Variants in SH3RF3 observed in about 807,000 individuals in gnomAD.
The protein encoded by SH3RF3 is E3 ubiquitin-protein ligase SH3RF3.
In SH3RF3, 29 loss-of-function variants were observed where a neutral mutation model predicts 66.3. That is an observed-to-expected ratio of 0.44 (90% confidence interval 0.33 to 0.60). SH3RF3 has a LOEUF of 0.60. SH3RF3 is among the 20% of genes least tolerant of loss of function. The probability of loss-of-function intolerance (pLI) is 0.04; values close to 1 mark genes in which losing one functional copy is unlikely to be tolerated. For missense variants in SH3RF3, 1,194 were observed against 1,190.9 expected, an observed-to-expected ratio of 1.00 and a Z score of -0.04; for synonymous variants, 583 against 532.0, an observed-to-expected ratio of 1.10 and a Z score of -1.32.
intron 5 of SH3RF3, among the ~76,000 whole-genome samples, chr2:109,431,229 A>T (rs923592540): frequency 3.3e-5 from 5 of 152,182 alleles, no homozygotes; most frequent in Admixed American, 3.3e-4. Context: ...AAGCCGCTGG[A>T]TAGGGTCAGC....
chr2:109,330,138 G>A (rs951595335), intron 1 of SH3RF3, among the ~76,000 whole-genome samples: 12 of 152,206 alleles, frequency 7.9e-5, no homozygotes, highest in Admixed American at 7.2e-4. Flanking sequence ...CCACTCTGGG[G>A]CAGCTGTGAG....
intron 3 of SH3RF3, among the ~76,000 whole-genome samples, chr2:109,397,093 T>G (rs1177228391): frequency 6.6e-6 from 1 of 152,274 alleles, no homozygotes; most frequent in East Asian, 1.9e-4. Flanking sequence ...CCAGTTGTGC[T>G]GCTGCAGAGA....
chr2:109,216,896 C>G (rs886192787), intron 1 of SH3RF3, among the ~76,000 whole-genome samples: 3 of 152,216 alleles, frequency 2.0e-5, no homozygotes, highest in African/African-American at 7.2e-5. Flanking sequence ...CTTCAGAACT[C>G]TTTTCGTCTT....
chr2:109,352,623 G>C (rs897168952), intron 2 of SH3RF3, among the ~76,000 whole-genome samples: 1 of 152,194 alleles, frequency 6.6e-6, no homozygotes, highest in Non-Finnish European at 1.5e-5. Flanking sequence ...CCCTTCCTGG[G>C]CACCCCGCTT....
chr2:109,407,829 C>T (rs572451594), intron 4 of SH3RF3, among the ~76,000 whole-genome samples: 4 of 152,210 alleles, frequency 2.6e-5, no homozygotes, highest in African/African-American at 9.6e-5. Flanking sequence ...CCATGACTTA[C>T]CAATCCTGGC....
At chr2:109,458,764 G>A (rs1000562632) in intron 8 of SH3RF3, among the ~76,000 whole-genome samples, 2 of 152,234 alleles carry the variant, frequency 1.3e-5, no homozygotes, top group African/African-American at 4.8e-5. Flanking sequence ...GCCTTCAGCT[G>A]ATTGGGCGAG....
intron 1 of SH3RF3, among the ~76,000 whole-genome samples, chr2:109,205,012 G>A (rs549325245): frequency 2.6e-5 from 4 of 152,136 alleles, no homozygotes; most frequent in Non-Finnish European, 5.9e-5. Context: ...GGTTGAGACC[G>A]GCCTGGTCAA....
At chr2:109,150,488 C>T (rs932442050) in intron 1 of SH3RF3, among the ~76,000 whole-genome samples, 6 of 152,142 alleles carry the variant, frequency 3.9e-5, no homozygotes, top group Admixed American at 6.5e-5. Flanking sequence ...TTTACAAAAA[C>T]GAGGAATTCA....
rs933417774 is a variant in SH3RF3, at chr2:109,493,397, C to T, written c.2480+2461C>T. ...CTGCAAACACACATGGTACAGACAC[C>T]ACACACACCACACATACATCATGCA... On this transcript the variant is annotated intron_variant, in intron 9 of 9. Coordinates refer to ENST00000309415, the MANE Select transcript of SH3RF3 (RefSeq NM_001099289.3). Among the ~76,000 whole-genome samples, 1,228 of 151,604 alleles carry T rather than the reference C, an allele frequency of 8.1e-3. 11 individuals are homozygous for T. Among genetic ancestry groups the T allele is most frequent in the South Asian group, 0.028 (136 of 4,790 alleles).
At chr2:109,345,289 G>A (rs578081374) in intron 1 of SH3RF3, among the ~76,000 whole-genome samples, 1 of 152,218 alleles carries the variant, frequency 6.6e-6, no homozygotes, top group South Asian at 2.1e-4. Context: ...CTGATGGTGG[G>A]GAGGCCAGAA....
chr2:109,353,212 T>C (rs1399468419), intron 2 of SH3RF3, among the ~76,000 whole-genome samples: 1 of 152,216 alleles, frequency 6.6e-6, no homozygotes, highest in East Asian at 1.9e-4. Flanking sequence ...GGCCCCCGGC[T>C]CATTGCCTGC....
intron 1 of SH3RF3, among the ~76,000 whole-genome samples, chr2:109,214,488 G>T (rs1038061632): frequency 6.6e-6 from 1 of 151,436 alleles, no homozygotes; most frequent in African/African-American, 2.4e-5. Context: ...AAAAAAAAAG[G>T]AGTGGAGCCC....
intron 1 of SH3RF3, among the ~76,000 whole-genome samples, chr2:109,326,326 TCA>T (rs1378267510): frequency 6.6e-6 from 1 of 152,214 alleles, no homozygotes; most frequent in East Asian, 1.9e-4. Context: ...ACTATCTACT[TCA>T]CAGTTAATGG....
At chr2:109,399,456 T>C (rs1042554992) in intron 4 of SH3RF3, among the ~76,000 whole-genome samples, 1 of 152,106 alleles carries the variant, frequency 6.6e-6, no homozygotes, top group Admixed American at 6.5e-5. Context: ...TAGTTTTTTT[T>C]TTTTGTAAAT....
At chr2:109,180,641 A>T (rs1678053079) in intron 1 of SH3RF3, among the ~76,000 whole-genome samples, 1 of 151,798 alleles carries the variant, frequency 6.6e-6, no homozygotes, top group African/African-American at 2.4e-5. Flanking sequence ...ATAAGGAGAA[A>T]CCCTTTTTGC....
At chr2:109,275,392 G>A (rs1355211544) in intron 1 of SH3RF3, among the ~76,000 whole-genome samples, 1 of 152,192 alleles carries the variant, frequency 6.6e-6, no homozygotes, top group East Asian at 1.9e-4. Context: ...TTAGTGTGAT[G>A]TGGCCTGAGG....
At chr2:109,381,489 G>C (rs1403485722) in intron 3 of SH3RF3, among the ~76,000 whole-genome samples, 1 of 152,038 alleles carries the variant, frequency 6.6e-6, no homozygotes, top group African/African-American at 2.4e-5. Context: ...AGGGCATCTT[G>C]GGCCATCCAC....
chr2:109,320,742 C>A (rs1213433768), intron 1 of SH3RF3, among the ~76,000 whole-genome samples: 3 of 152,204 alleles, frequency 2.0e-5, no homozygotes, highest in Admixed American at 2.0e-4. Flanking sequence ...TAAACAACGT[C>A]AGGCAGATGA....
chr2:109,281,312 C>G (rs1432025546), intron 1 of SH3RF3, among the ~76,000 whole-genome samples: 1 of 152,220 alleles, frequency 6.6e-6, no homozygotes, highest in Non-Finnish European at 1.5e-5. Context: ...CCTCTTGCCT[C>G]TTCCTTCCCC....
Sources: gnomAD v4.1 joint callset for allele counts (sites outside exome capture counted in the v4.1 genomes callset) on GRCh38, gnomAD v4.1.1 for gene constraint, MANE v1.5 for transcripts, NCBI Gene and HGNC (gene_info 2026-07-23, HGNC 2026-07-21) for gene names.